The following STK32C variants were observed in gnomAD, a reference collection of about 807,000 sequenced individuals.
STK32C encodes the protein serine/threonine-protein kinase 32C.
A neutral mutation model predicts 56.5 loss-of-function variants in STK32C; 31 were observed. That is an observed-to-expected ratio of 0.55 (90% CI 0.41 to 0.74). The LOEUF (loss-of-function observed/expected upper bound fraction) is 0.74. Among genes scored for constraint, STK32C ranks in the 30% least tolerant of loss-of-function variants. The pLI is 0.00. For synonymous variants in STK32C, 309 were observed against 289.4 expected (o/e 1.07, Z -0.69); for missense variants, 544 against 676.9 (o/e 0.80, Z 2.18).
chr10:132,292,534 C>T (rs369334304), intron 1 of STK32C, among the ~76,000 whole-genome samples: 3 of 152,184 alleles, frequency 2.0e-5, no homozygotes, highest in Admixed American at 6.5e-5. Context: ...TACATGCACA[C>T]GCATGCACAC....
intron 10 of STK32C, among the ~76,000 whole-genome samples, chr10:132,211,718 AG>A (rs1305719382): frequency 1.3e-5 from 2 of 152,166 alleles, no homozygotes; most frequent in Admixed American, 6.5e-5. Context: ...AAGGCCACAG[AG>A]GGGCCCTTCG....
intron 1 of STK32C, among the ~76,000 whole-genome samples, chr10:132,260,497 C>T (rs76431615): frequency 0.016 from 2,461 of 152,378 alleles, 74 homozygotes; most frequent in African/African-American, 0.055. Flanking sequence ...ACCGGACACA[C>T]AGGCCCCGGT....
chr10:132,208,971 C>G (rs2062197880), intron 11 of STK32C, 63 bp downstream of exon 11: 3 of 1,540,122 alleles, frequency 1.9e-6, no homozygotes, highest in African/African-American at 1.4e-5. Flanking sequence ...CCAAGAAAAC[C>G]TTAACCTTAG....
At chr10:132,268,539 TTGTGTG>T (rs56672946) in intron 1 of STK32C, among the ~76,000 whole-genome samples, 41 of 111,492 alleles carry the variant, frequency 3.7e-4, no homozygotes, top group East Asian at 8.4e-4. Context: ...ATGCGTCACA[TTGTGTG>T]TGTGTGTGTG....
At chr10:132,256,797 G>A (rs572936450) in intron 1 of STK32C, among the ~76,000 whole-genome samples, 184 of 152,362 alleles carry the variant, frequency 1.2e-3, no homozygotes, top group African/African-American at 4.3e-3. Context: ...TGAGAAGCCT[G>A]CTCCTGGGGC....
chr10:132,269,243 C>G (rs576508175), intron 1 of STK32C, among the ~76,000 whole-genome samples: 3 of 128,540 alleles, frequency 2.3e-5, no homozygotes, highest in Admixed American at 1.5e-4. Flanking sequence ...GTGTCTGTGT[C>G]TCCGTGCATG....
chr10:132,223,227 G>A (rs1220887880), intron 8 of STK32C, among the ~76,000 whole-genome samples: 1 of 152,222 alleles, frequency 6.6e-6, no homozygotes, highest in African/African-American at 2.4e-5. Context: ...CTAAACCCCT[G>A]GCGCCAGAGG....
At chr10:132,209,405 T>C in intron 10 of STK32C, 1 of 615,274 alleles carries the variant, frequency 1.6e-6, no homozygotes, top group Non-Finnish European at 3.0e-6. Flanking sequence ...GGGACTTTGC[T>C]GGAAACCACT....
chr10:132,211,791 ACCG>A (rs1350538568), intron 10 of STK32C, among the ~76,000 whole-genome samples: 1 of 152,096 alleles, frequency 6.6e-6, no homozygotes, highest in Non-Finnish European at 1.5e-5. Context: ...GACCTCTTGA[ACCG>A]CAAGTGACGC....
In STK32C at chr10:132,222,633, G is replaced by A; in HGVS notation, c.1251+8C>T. 1 of 1,611,582 alleles carries A rather than the reference G, an allele frequency of 6.2e-7. No individual in the cohort carries two copies. Among genetic ancestry groups the A allele is most frequent in the Non-Finnish European group, 8.5e-7 (1 of 1,179,810 alleles). On this transcript the variant is annotated splice_region_variant and intron_variant, in intron 10 of 11. Transcript: ENST00000298630. ...GCCGCCGCGCCCTGAGCCTGCCCTG[G>A]CACTCACGGACTGGGAGCTGTCCCT... is the stretch of plus-strand genomic sequence containing the variant.
intron 1 of STK32C, among the ~76,000 whole-genome samples, chr10:132,290,873 G>C (rs531238900): frequency 1.8e-4 from 27 of 152,096 alleles, no homozygotes; most frequent in African/African-American, 6.5e-4. Flanking sequence ...CCAAGCCCAG[G>C]GCCACCATGT....
chr10:132,224,060 C>T (rs2062783224), intron 8 of STK32C, among the ~76,000 whole-genome samples: 1 of 147,828 alleles, frequency 6.8e-6, no homozygotes, highest in Admixed American at 6.7e-5. Context: ...CACCCTCCTT[C>T]CAATACGTGG....
At chr10:132,221,723 G>C (rs1261745153) in intron 10 of STK32C, among the ~76,000 whole-genome samples, 381 of 134,726 alleles carry the variant, frequency 2.8e-3, no homozygotes, top group African/African-American at 0.01. Context: ...CTGGGCGAGT[G>C]TGAGGGCTTC....
At chr10:132,327,797 A>G (rs886878408) in intron 1 of STK32C, among the ~76,000 whole-genome samples, 1 of 152,120 alleles carries the variant, frequency 6.6e-6, no homozygotes, top group Non-Finnish European at 1.5e-5. Flanking sequence ...AATTTTTAAA[A>G]CAAAAATTTA....
chr10:132,331,767 C>A (rs2138535658), exon 1 of STK32C: 1 of 1,609,824 alleles, frequency 6.2e-7, no homozygotes, highest in East Asian at 2.2e-5. Context: ...CTGTGCCAGG[C>A]CGGTCGCCCC....
chr10:132,254,792 C>G (rs888871102), intron 1 of STK32C, among the ~76,000 whole-genome samples: 6 of 152,114 alleles, frequency 3.9e-5, no homozygotes, highest in African/African-American at 1.2e-4. Context: ...ACAATGCGTG[C>G]ACCCCACGCG....
intron 2 of STK32C, among the ~76,000 whole-genome samples, chr10:132,243,415 G>A (rs1049768151): frequency 2.6e-5 from 4 of 152,142 alleles, no homozygotes; most frequent in African/African-American, 9.7e-5. Context: ...CTGGACGGAA[G>A]TCTATGCCGG....
At position 132,222,780 on chromosome 10, in the gene STK32C, G is replaced by T; in HGVS notation, c.1120-8C>A. On this transcript the variant is annotated splice_polypyrimidine_tract_variant and splice_region_variant and intron_variant, in intron 9 of 11. Transcript: ENST00000298630. Reference sequence around the variant, plus strand: ...GCAGTGCAGACGGCCTTTCTACAGAGGGATGGGTGCTGAGCCCCGGCCCGT... The same window carrying T: ...GCAGTGCAGACGGCCTTTCTACAGATGGATGGGTGCTGAGCCCCGGCCCGT... The T allele has an allele frequency of 1.3e-6, 2 of 1,598,058 alleles. No homozygotes were observed. Among genetic ancestry groups the T allele is most frequent in the Non-Finnish European group, 1.7e-6 (2 of 1,172,706 alleles).
At chr10:132,296,011 G>A (rs990816680) in intron 1 of STK32C, among the ~76,000 whole-genome samples, 5 of 151,278 alleles carry the variant, frequency 3.3e-5, no homozygotes, top group African/African-American at 1.2e-4. Context: ...TGGAAAAGGG[G>A]GAAAGGGGAC....
Sources: allele counts gnomAD v4.1 joint callset (sites outside exome capture counted in the v4.1 genomes callset), GRCh38; gene constraint gnomAD v4.1.1; transcripts MANE v1.5; gene names NCBI Gene and HGNC (gene_info 2026-07-23, HGNC 2026-07-21).